Variants in CCR5AS observed in about 807,000 individuals in gnomAD.
CCR5AS encodes the protein CCR5 antisense RNA.
chr3:46,396,859 G>C (rs981849323), intron 1 of CCR5AS, among the ~76,000 whole-genome samples: 3 of 152,188 alleles, frequency 2.0e-5, no homozygotes, highest in African/African-American at 7.2e-5. Flanking sequence ...TTCTCAGAGA[G>C]CCTGAGCCCT....
intron 2 of CCR5AS, chr3:46,373,626 A>G: frequency 6.2e-7 from 1 of 1,613,948 alleles, no homozygotes; most frequent in South Asian, 1.1e-5. Flanking sequence ...CACCATCATG[A>G]TTGTTTATTT....
At chr3:46,384,276 T>C (rs1701839555) in intron 2 of CCR5AS, among the ~76,000 whole-genome samples, 2 of 152,230 alleles carry the variant, frequency 1.3e-5, no homozygotes, top group Non-Finnish European at 2.9e-5. Context: ...TCCTAATCTT[T>C]TATTACGCAG....
intron 3 of CCR5AS, among the ~76,000 whole-genome samples, chr3:46,368,642 A>G (rs1157088414): frequency 6.6e-6 from 1 of 152,200 alleles, no homozygotes; most frequent in Non-Finnish European, 1.5e-5. Flanking sequence ...CCATAGAATC[A>G]TGTAGTATTT....
chr3:46,397,606 C>A (rs930439964), intron 1 of CCR5AS, among the ~76,000 whole-genome samples: 1 of 152,162 alleles, frequency 6.6e-6, no homozygotes. Context: ...GCCCACTAGA[C>A]CCCATCAGGA....
At position 46,375,681 on chromosome 3, in the gene CCR5AS, G is replaced by A. The variant is rs376306118; in HGVS notation, n.392-4264C>T. 3.0e-5 allele frequency: 5 copies of A among 166,792 alleles called. No individual in the cohort carries two copies. In the East Asian group the frequency reaches 9.7e-4, roughly 32 times the overall value. The allele number at this position is 166,792 out of a possible 1,614,324, so 10.3% of individuals were successfully genotyped here. On this transcript the variant is annotated intron_variant and non_coding_transcript_variant, in intron 2 of 3. Coordinates refer to ENST00000451485, the Ensembl canonical transcript of CCR5AS. ...GAATGGGGGTGGGGGGGGCGCCTTA[G>A]GTACTTATTCCAGATGCCTTCTCCA... is the stretch of plus-strand genomic sequence containing the variant.
chr3:46,386,074 G>C (rs1332279978), intron 2 of CCR5AS, among the ~76,000 whole-genome samples: 1 of 151,974 alleles, frequency 6.6e-6, no homozygotes, highest in Non-Finnish European at 1.5e-5. Flanking sequence ...ACCACACCTG[G>C]CTAATATTTT....
intron 2 of CCR5AS, among the ~76,000 whole-genome samples, chr3:46,391,734 G>T (rs1701915734): frequency 6.6e-6 from 1 of 152,224 alleles, no homozygotes; most frequent in Non-Finnish European, 1.5e-5. Context: ...AGCCAGACCA[G>T]GTGTGAGGAG....
At chr3:46,372,753 C>A in intron 2 of CCR5AS, 1 of 610,944 alleles carries the variant, frequency 1.6e-6, no homozygotes, top group Non-Finnish European at 2.7e-6. Flanking sequence ...CATTGCTTGG[C>A]CAAAAAGAGA....
intron 1 of CCR5AS, among the ~76,000 whole-genome samples, chr3:46,393,639 G>T (rs1701934929): frequency 6.6e-6 from 1 of 152,132 alleles, no homozygotes; most frequent in African/African-American, 2.4e-5. Context: ...TGGTGCTAGG[G>T]TTACAACAGC....
At chr3:46,398,008 C>T (rs747231104) in intron 1 of CCR5AS, among the ~76,000 whole-genome samples, 10 of 152,242 alleles carry the variant, frequency 6.6e-5, no homozygotes, top group African/African-American at 9.6e-5. Context: ...TATGTGGAGC[C>T]GGAACTGAGA....
intron 2 of CCR5AS, among the ~76,000 whole-genome samples, chr3:46,381,188 AGAG>A (rs1701813477): frequency 6.6e-6 from 1 of 152,338 alleles, no homozygotes; most frequent in African/African-American, 2.4e-5. Context: ...CAAATTCAAT[AGAG>A]AAGAAGTCTC....
intron 1 of CCR5AS, among the ~76,000 whole-genome samples, chr3:46,404,297 T>TTCTCTCTC (rs149336611): frequency 1.2e-3 from 82 of 71,092 alleles, no homozygotes; most frequent in East Asian, 0.011. Flanking sequence ...CAGCAAGGCT[T>TTCTCTCTC]TCTCTCTCTC....
At chr3:46,384,035 A>G (rs982109226) in intron 2 of CCR5AS, among the ~76,000 whole-genome samples, 1 of 152,256 alleles carries the variant, frequency 6.6e-6, no homozygotes, top group African/African-American at 2.4e-5. Context: ...CAGGCACACA[A>G]GAAGTGAGTT....
intron 1 of CCR5AS, among the ~76,000 whole-genome samples, chr3:46,404,297 T>TTCTCTC (rs149336611): frequency 0.01 from 727 of 71,080 alleles, 21 homozygotes; most frequent in Middle Eastern, 0.038. Flanking sequence ...CAGCAAGGCT[T>TTCTCTC]TCTCTCTCTC....
intron 2 of CCR5AS, among the ~76,000 whole-genome samples, chr3:46,389,028 A>G (rs969966893): frequency 6.6e-6 from 1 of 152,186 alleles, no homozygotes; most frequent in Non-Finnish European, 1.5e-5. Context: ...GTCATTGAGA[A>G]TGGTGAATAG....
chr3:46,374,457 T>G (rs1428789711), intron 2 of CCR5AS: 1 of 167,294 alleles, frequency 6.0e-6, no homozygotes, highest in Non-Finnish European at 1.5e-5. Flanking sequence ...GAAATGACAC[T>G]TTTCATGTGT....
intron 1 of CCR5AS, among the ~76,000 whole-genome samples, chr3:46,405,930 G>C (rs1001531531): frequency 9.9e-5 from 15 of 150,850 alleles, no homozygotes; most frequent in Non-Finnish European, 1.3e-4. Flanking sequence ...CCAGAGTGCA[G>C]AGTGGCATGA....
intron 1 of CCR5AS, among the ~76,000 whole-genome samples, chr3:46,393,522 A>C (rs1385518498): frequency 6.6e-6 from 1 of 151,982 alleles, no homozygotes; most frequent in African/African-American, 2.4e-5. Flanking sequence ...TTTTTTTTCC[A>C]CCAAGAATTT....
intron 2 of CCR5AS, among the ~76,000 whole-genome samples, chr3:46,381,571 T>C (rs141944303): frequency 7.4e-4 from 112 of 152,330 alleles, no homozygotes; most frequent in African/African-American, 2.5e-3. Context: ...TACCGCTGAA[T>C]ATAATAAAAT....
Sources: gnomAD v4.1 joint callset for allele counts (sites outside exome capture counted in the v4.1 genomes callset) on GRCh38, gnomAD v4.1.1 for gene constraint, MANE v1.5 for transcripts, NCBI Gene and HGNC (gene_info 2026-07-23, HGNC 2026-07-21) for gene names.